Variants in NBPF10 observed in about 807,000 individuals in gnomAD.
The protein encoded by NBPF10 is NBPF member 10.
NBPF10 carries 63 observed loss-of-function variants against 77.9 expected under a neutral mutation model. The ratio of observed to expected loss-of-function variants is 0.81; its 90% CI spans 0.66 to 1.00. The LOEUF (loss-of-function observed/expected upper bound fraction) is 1.00. NBPF10 is among the 50% of genes least tolerant of loss of function. The probability of loss-of-function intolerance (pLI) is 0.00; values close to 1 mark genes in which losing one functional copy is unlikely to be tolerated. For missense variants in NBPF10, 522 were observed against 679.8 expected (o/e 0.77, Z 2.58); for synonymous variants, 146 against 264.5 (o/e 0.55, Z 4.35).
At chr1:146,134,391 T>C (rs1553794095) in intron 8 of NBPF10, 126 bp from the exon 9 acceptor site, 3 of 742,826 alleles carry the variant, frequency 4.0e-6, no homozygotes, top group Non-Finnish European at 2.2e-6. Context: ...AACTCTCATG[T>C]TTTATCTTTA....
At chr1:146,126,596 GACACACACACACACACACACACAC>G (rs56881979) in intron 13 of NBPF10, among the ~76,000 whole-genome samples, 188 bp from the exon 14 acceptor site, 1 of 113,604 alleles carries the variant, frequency 8.8e-6, no homozygotes, top group African/African-American at 3.1e-5. Context: ...GAACGAGAAA[GACACACACACACACACACACACAC>G]ACACACACAC....
At chr1:146,136,515 G>T (rs199622501) in intron 6 of NBPF10, 60 bp from the exon 7 acceptor site, 1,538 of 1,465,338 alleles carry the variant, frequency 1.0e-3, no homozygotes, top group Non-Finnish European at 1.3e-3. Flanking sequence ...TGTGGTCATT[G>T]CCTACAGGAC....
exon 14 of NBPF10, chr1:146,126,254 A>G (rs782761599): frequency 2.5e-6 from 4 of 1,608,632 alleles, no homozygotes; most frequent in East Asian, 2.2e-5. Flanking sequence ...TCAATAGCCA[A>G]GCCAACACGC....
intron 13 of NBPF10, 50 bp from the exon 14 acceptor site, chr1:146,126,458 A>G (rs1212553579): frequency 1.8e-5 from 14 of 790,594 alleles, no homozygotes; most frequent in African/African-American, 5.1e-5. Context: ...ATCAGAAACC[A>G]CACAGCCCCA....
intron 14 of NBPF10, 145 bp downstream of exon 14, chr1:146,126,091 A>G (rs2102168051): frequency 1.5e-6 from 1 of 647,400 alleles, no homozygotes; most frequent in Non-Finnish European, 2.8e-6. Flanking sequence ...AAGTGGAACT[A>G]GAGTTTCATT....
intron 81 of NBPF10, 59 bp from the exon 82 acceptor site, chr1:146,072,960 C>G: frequency 9.7e-6 from 1 of 103,510 alleles, no homozygotes; most frequent in Non-Finnish European, 1.8e-5. Flanking sequence ...CACACAGCCC[C>G]AGCTAGATTT....
In NBPF10 at chr1:146,138,267, G is replaced by A. The variant is rs200601559; in HGVS notation, c.957C>T (p.Ser319=). 4.3e-5 allele frequency: 2 copies of A among 46,950 alleles called. No individual in the cohort carries two copies. The highest frequency in any genetic ancestry group is 1.2e-4 in the South Asian group (1 of 8,078). The allele number at this position is 46,950 out of a possible 1,614,324, so 2.9% of individuals were successfully genotyped here. The change falls in exon 6 of 90, where the codon TCC becomes TCT. Residue 319 remains serine (S), a synonymous_variant. Transcript: ENST00000583866. ...TCTTCTGTTGGTTGGCCAGGAAGCCGGACAGTTGAGTTAGAAAACATTTCT... is the reference window on the plus strand; with the variant it reads ...TCTTCTGTTGGTTGGCCAGGAAGCCAGACAGTTGAGTTAGAAAACATTTCT...
intron 2 of NBPF10, 141 bp downstream of exon 2, chr1:146,142,509 A>G (rs1197988583): frequency 5.1e-6 from 3 of 585,158 alleles, no homozygotes; most frequent in African/African-American, 3.6e-5. Flanking sequence ...TCTCTGATAA[A>G]TATTTGTGTG....
intron 14 of NBPF10, 113 bp downstream of exon 14, chr1:146,126,123 T>A (rs1417143030): frequency 6.3e-5 from 47 of 750,448 alleles, no homozygotes; most frequent in Admixed American, 5.2e-4. Flanking sequence ...TGCCTATAGG[T>A]CCTCCCTGTG....
rs782554119 is a variant in NBPF10, at chr1:146,067,180, C to T, written c.11144G>A (p.Arg3715Lys). 1.5e-5 allele frequency: 9 copies of T among 620,176 alleles called. 2 individuals carry two copies. The highest frequency in any genetic ancestry group is 2.7e-5 in the Non-Finnish European group (9 of 334,460). 38.4% of individuals were successfully genotyped at this position (620,176 alleles called of 1,614,324 possible). A position where few individuals can be genotyped will look rare whatever the true frequency, so the allele number is the denominator to read the frequency against. ...AGGATCCACAATTGCTGAAAGTCAC[C>T]TGGGGCATGGTGGGTTTTGATCTTC... The change falls in exon 89 of 90, where the codon AGG becomes AAG. Residue 3715 changes from arginine (R) to lysine (K), a missense_variant and splice_region_variant. Transcript: ENST00000583866.
At chr1:146,127,987 C>G (rs1385046184) in intron 12 of NBPF10, 132 bp downstream of exon 12, 3 of 1,535,634 alleles carry the variant, frequency 2.0e-6, no homozygotes, top group Admixed American at 1.7e-5. Context: ...TGACTGAAGT[C>G]TACATTGATA....
intron 13 of NBPF10, among the ~76,000 whole-genome samples, chr1:146,126,643 CTCAG>C (rs1169853351): frequency 8.4e-6 from 1 of 119,014 alleles, no homozygotes; most frequent in Non-Finnish European, 1.9e-5. Context: ...ACAGAGCGAG[CTCAG>C]TCAATTGGTC....
chr1:146,124,999 C>A lies in NBPF10; in HGVS notation c.2079-139G>T, dbSNP rs1424647126. ...CATTAACGAGGTAATGAATTATTGC[C>A]TTTATGTTGGGATAGACCAGGGCCA... On this transcript the variant is annotated intron_variant, in intron 15 of 89. Coordinates refer to ENST00000583866, the Ensembl canonical transcript of NBPF10. 1.7e-4 allele frequency: 49 copies of A among 287,254 alleles called. 11 individuals are homozygous for A. In the Admixed American group the frequency reaches 3.6e-3, roughly 21 times the overall value. The allele number at this position is 287,254 out of a possible 1,614,324, so 17.8% of individuals were successfully genotyped here. A position where few individuals can be genotyped will look rare whatever the true frequency, so the allele number is the denominator to read the frequency against.
At chr1:146,126,296 A>G in exon 14 of NBPF10, 1 of 1,598,152 alleles carries the variant, frequency 6.3e-7, no homozygotes, top group South Asian at 1.1e-5. Flanking sequence ...GCACTTCTGT[A>G]GGGCTGGCAT....
intron 7 of NBPF10, among the ~76,000 whole-genome samples, chr1:146,135,754 T>C (rs4068054): frequency 2.8e-5 from 4 of 144,974 alleles, no homozygotes; most frequent in African/African-American, 1.0e-4. Context: ...TTCATCTTTC[T>C]CTTCTGTAAA....
At chr1:146,067,889 T>C (rs1655335690) in intron 88 of NBPF10, 114 bp downstream of exon 88, 1 of 698,550 alleles carries the variant, frequency 1.4e-6, no homozygotes, top group East Asian at 2.7e-5. Flanking sequence ...CGCCCATAGG[T>C]CCTGCCTGCG....
At chr1:146,126,703 C>G (rs1553790207) in intron 13 of NBPF10, among the ~76,000 whole-genome samples, 1 of 146,492 alleles carries the variant, frequency 6.8e-6, no homozygotes, top group East Asian at 2.0e-4. Flanking sequence ...TGTATTTGTG[C>G]TCTCAGGACA....
chr1:146,121,850 A>C (rs1658209337), intron 19 of NBPF10, among the ~76,000 whole-genome samples, 180 bp from the exon 20 acceptor site: 1 of 148,564 alleles, frequency 6.7e-6, no homozygotes, highest in South Asian at 2.1e-4. Flanking sequence ...AAAACAATGA[A>C]AGAGAAAGAC....
rs1553779381 is a variant in NBPF10 at position 146,069,573 on chromosome 1, G to A, written c.10780C>T (p.Gln3594Ter). Residue 3594 changes from glutamine to a stop codon, truncating the protein, a stop_gained, in exon 86 of 90, where the codon CAG becomes TAG. Coordinates refer to ENST00000583866, the Ensembl canonical transcript of NBPF10. LOFTEE classifies it high-confidence loss of function. The stretch of plus-strand genomic sequence containing the variant: ...ATGTCAACAGCCAAGCCAACACGCT[G>A]TTGCTCCAATACATAAAAGGCACTT... 1.2e-5 allele frequency: 16 copies of A among 1,282,708 alleles called. No individual in the cohort carries two copies. Among genetic ancestry groups the A allele is most frequent in the East Asian group, 2.4e-5 (1 of 42,410 alleles). The allele number at this position is 1,282,708 out of a possible 1,614,324, so 79.5% of individuals were successfully genotyped here.
Sources: gnomAD v4.1 joint callset for allele counts (sites outside exome capture counted in the v4.1 genomes callset) on GRCh38, gnomAD v4.1.1 for gene constraint, MANE v1.5 for transcripts, NCBI Gene and HGNC (gene_info 2026-07-23, HGNC 2026-07-21) for gene names.